The following PABPC4L variants were observed in gnomAD, a reference collection of about 807,000 sequenced individuals.
PABPC4L encodes poly(A) binding protein cytoplasmic 4 like, also known as polyadenylate-binding protein 4-like.
For synonymous variants in PABPC4L, 169 were observed against 164.1 expected (o/e 1.03, Z -0.23); for missense variants, 452 against 451.4 (o/e 1.00, Z -0.01).
the PABPC4L span, among the ~76,000 whole-genome samples, chr4:133,950,625 C>T: frequency 3.0e-4 from 46 of 152,210 alleles, no homozygotes; most frequent in Admixed American, 9.8e-4. Flanking sequence ...TCAGTTTGAG[C>T]GGCCCCTATC....
At chr4:134,142,378 T>C in the PABPC4L span, among the ~76,000 whole-genome samples, 1 of 151,734 alleles carries the variant, frequency 6.6e-6, no homozygotes, top group East Asian at 1.9e-4. Flanking sequence ...GGGAAAAGCA[T>C]AGTCGAACCT....
chr4:134,023,824 A>C, the PABPC4L span, among the ~76,000 whole-genome samples: 1 of 152,060 alleles, frequency 6.6e-6, no homozygotes, highest in Non-Finnish European at 1.5e-5. Flanking sequence ...CTCCTTATAA[A>C]GCTTGTAACT....
chr4:134,161,317 T>C, the PABPC4L span, among the ~76,000 whole-genome samples: 1 of 151,748 alleles, frequency 6.6e-6, no homozygotes, highest in Non-Finnish European at 1.5e-5. Flanking sequence ...CTAAGAGTTA[T>C]TGGTTATAAA....
the PABPC4L span, among the ~76,000 whole-genome samples, chr4:134,144,150 G>A: frequency 2.0e-5 from 3 of 151,568 alleles, no homozygotes; most frequent in South Asian, 4.1e-4. Context: ...TAGTTTTTAA[G>A]ATCACTATGA....
At chr4:133,978,326 G>A in the PABPC4L span, among the ~76,000 whole-genome samples, 1 of 152,140 alleles carries the variant, frequency 6.6e-6, no homozygotes, top group African/African-American at 2.4e-5. Flanking sequence ...ATCAGTTGCA[G>A]GATGGGTGTG....
downstream of PABPC4L, among the ~76,000 whole-genome samples, chr4:134,193,165 C>G (rs1360621546): frequency 6.6e-6 from 1 of 151,972 alleles, no homozygotes; most frequent in African/African-American, 2.4e-5. Context: ...ATAAAAGATT[C>G]AGTAAGAAGC....
At chr4:133,985,907 C>T in the PABPC4L span, among the ~76,000 whole-genome samples, 2 of 151,974 alleles carry the variant, frequency 1.3e-5, no homozygotes, top group Non-Finnish European at 2.9e-5. Flanking sequence ...AAAGCTATAG[C>T]AATGCAAGTG....
At chr4:134,172,941 C>G in the PABPC4L span, among the ~76,000 whole-genome samples, 1 of 151,230 alleles carries the variant, frequency 6.6e-6, no homozygotes, top group African/African-American at 2.4e-5. Flanking sequence ...AACAAATGAC[C>G]AACAGTTTTA....
At chr4:134,100,289 T>G in the PABPC4L span, among the ~76,000 whole-genome samples, 2 of 151,822 alleles carry the variant, frequency 1.3e-5, no homozygotes, top group African/African-American at 4.8e-5. Context: ...AGATTGAAGC[T>G]GCACCTTTTT....
the PABPC4L span, among the ~76,000 whole-genome samples, chr4:134,012,878 A>G: frequency 1.3e-5 from 2 of 151,942 alleles, no homozygotes; most frequent in East Asian, 3.9e-4. Context: ...CTTCATTTCA[A>G]TTCCTTTCAT....
At chr4:134,024,971 C>T in the PABPC4L span, among the ~76,000 whole-genome samples, 1 of 140,662 alleles carries the variant, frequency 7.1e-6, no homozygotes, top group East Asian at 2.1e-4. Context: ...CTTACTCTTA[C>T]AGGTCTTACA....
At chr4:134,116,271 G>A in the PABPC4L span, among the ~76,000 whole-genome samples, 1 of 151,768 alleles carries the variant, frequency 6.6e-6, no homozygotes, top group Non-Finnish European at 1.5e-5. Context: ...AAGTGGAAGA[G>A]TCACATTACA....
At chr4:134,100,182 C>G in the PABPC4L span, among the ~76,000 whole-genome samples, 1 of 151,614 alleles carries the variant, frequency 6.6e-6, no homozygotes, top group Non-Finnish European at 1.5e-5. Flanking sequence ...GCTTGAACTC[C>G]AAGCATCAGC....
the PABPC4L span, among the ~76,000 whole-genome samples, chr4:134,017,485 A>T: frequency 6.6e-6 from 1 of 152,112 alleles, no homozygotes; most frequent in Non-Finnish European, 1.5e-5. Flanking sequence ...TTTTGTTTAC[A>T]CTGCCGGTTT....
chr4:134,076,264 AG>A, the PABPC4L span, among the ~76,000 whole-genome samples: 1 of 152,206 alleles, frequency 6.6e-6, no homozygotes, highest in Non-Finnish European at 1.5e-5. Context: ...GCAACAGATG[AG>A]TTTAGAAGAG....
chr4:134,196,114 TC>T (rs1035931183), downstream of PABPC4L, among the ~76,000 whole-genome samples: 28 of 151,590 alleles, frequency 1.8e-4, no homozygotes, highest in African/African-American at 5.5e-4. Flanking sequence ...AGTTAATTAT[TC>T]CTCATTAAAA....
chr4:134,119,839 A>G, the PABPC4L span, among the ~76,000 whole-genome samples: 3 of 151,590 alleles, frequency 2.0e-5, no homozygotes, highest in Non-Finnish European at 4.4e-5. Context: ...GTCCTCTTTT[A>G]TGTTTTGTTT....
chr4:134,147,222 T>C, the PABPC4L span, among the ~76,000 whole-genome samples: 4 of 152,164 alleles, frequency 2.6e-5, no homozygotes, highest in East Asian at 3.9e-4. Context: ...TTTAATCACA[T>C]GTTGGCCAAA....
In PABPC4L at chr4:134,196,534, A is replaced by T. The variant is rs1408691034; in HGVS notation, c.*3373T>A. 1 of 151,836 alleles carries T rather than the reference A, an allele frequency of 6.6e-6. No homozygotes were observed. The highest frequency in any genetic ancestry group is 6.6e-5 in the Admixed American group (1 of 15,226). 9.4% of individuals were successfully genotyped at this position (151,836 alleles called of 1,614,324 possible). On this transcript the variant is annotated 3_prime_UTR_variant, in exon 2 of 2. Transcript: ENST00000421491. ...TGTACATGTAAGCAGGTAACTACAC[A>T]GCAGACGTGGCAATATGTGTGGAGA...
Sources: allele counts gnomAD v4.1 joint callset (sites outside exome capture counted in the v4.1 genomes callset), GRCh38; gene constraint gnomAD v4.1.1; transcripts MANE v1.5; gene names NCBI Gene and HGNC (gene_info 2026-07-23, HGNC 2026-07-21).